Variants in RASA3 observed in about 807,000 individuals in gnomAD.
The protein encoded by RASA3 is ras GTPase-activating protein 3.
RASA3 carries 73 observed loss-of-function variants against 110.0 expected under a neutral mutation model. The ratio of observed to expected loss-of-function variants is 0.66; its 90% confidence interval spans 0.55 to 0.81. The LOEUF (loss-of-function observed/expected upper bound fraction) is 0.81, where lower values mean the gene tolerates loss of function less well. RASA3 is among the 30% of genes least tolerant of loss of function. The probability of loss-of-function intolerance (pLI) is 0.00; values close to 1 mark genes in which losing one functional copy is unlikely to be tolerated. For synonymous variants in RASA3, 500 were observed against 451.4 expected (o/e 1.11, Z -1.37); for missense variants, 976 against 1,113.2 (o/e 0.88, Z 1.75).
intron 18 of RASA3, among the ~76,000 whole-genome samples, chr13:114,004,711 A>C (rs1037841734): frequency 3.9e-5 from 6 of 152,146 alleles, no homozygotes; most frequent in Non-Finnish European, 7.4e-5. Flanking sequence ...GCGCTTAAGG[A>C]AACCCACGGA....
At chr13:114,038,422 C>A (rs2054322919) in intron 4 of RASA3, among the ~76,000 whole-genome samples, 1 of 152,246 alleles carries the variant, frequency 6.6e-6, no homozygotes, top group South Asian at 2.1e-4. Flanking sequence ...CTTCACTTTC[C>A]ACAGCACGTG....
At chr13:113,989,063 A>G (rs1418536711) in intron 22 of RASA3, among the ~76,000 whole-genome samples, 1 of 121,466 alleles carries the variant, frequency 8.2e-6, no homozygotes, top group African/African-American at 3.3e-5. Context: ...GTCCATCACC[A>G]TCACTCACCC....
intron 9 of RASA3, among the ~76,000 whole-genome samples, chr13:114,020,913 C>T (rs1363308030): frequency 2.6e-5 from 4 of 152,224 alleles, no homozygotes; most frequent in Non-Finnish European, 2.9e-5. Flanking sequence ...GCTCCTGCAC[C>T]GGCTGCTGAT....
intron 7 of RASA3, among the ~76,000 whole-genome samples, chr13:114,024,590 T>C (rs2053993112): frequency 6.6e-6 from 1 of 152,216 alleles, no homozygotes; most frequent in South Asian, 2.1e-4. Flanking sequence ...GCCCCAAGGC[T>C]GTTCACGGCC....
chr13:114,122,895 C>T (rs1036216889), intron 1 of RASA3, among the ~76,000 whole-genome samples: 3 of 152,348 alleles, frequency 2.0e-5, no homozygotes, highest in Admixed American at 6.5e-5. Flanking sequence ...GCCCAGCCAA[C>T]GCTGCATGAG....
At chr13:114,007,845 A>C (rs1048893169) in intron 17 of RASA3, among the ~76,000 whole-genome samples, 9 of 152,208 alleles carry the variant, frequency 5.9e-5, no homozygotes, top group Admixed American at 5.9e-4. Context: ...ACACCTGGGG[A>C]TCAACCTGCA....
intron 22 of RASA3, among the ~76,000 whole-genome samples, chr13:113,992,042 T>C (rs545308348): frequency 6.7e-6 from 1 of 150,148 alleles, no homozygotes; most frequent in East Asian, 2.0e-4. Context: ...CTCATACATG[T>C]CATGTCCACA....
chr13:114,131,722 G>GCACA (rs892028741), intron 1 of RASA3, among the ~76,000 whole-genome samples: 4 of 152,108 alleles, frequency 2.6e-5, no homozygotes, highest in African/African-American at 9.7e-5. Context: ...ACGCACACAT[G>GCACA]CACACACACA....
In RASA3 at chr13:114,039,398, G is replaced by A. The variant is rs550569251; in HGVS notation, c.372+1602C>T. On this transcript the variant is annotated intron_variant, in intron 4 of 23. Transcript: ENST00000334062. ...AACTGAGGACCCAGGAAGCCCTCCC[G>A]CGTCCCAAGGGCGCTGTGCCACAAC... is the stretch of plus-strand genomic sequence containing the variant. Among the ~76,000 whole-genome samples, 4 of 150,788 alleles carry A rather than the reference G, an allele frequency of 2.7e-5. No homozygotes were observed. The South Asian group carries it at 6.4e-4, about 24-fold the overall frequency.
In RASA3 at chr13:114,054,465, G is replaced by A. The variant is rs188940338; in HGVS notation, c.174-2310C>T. 6.0e-3 allele frequency among the ~76,000 whole-genome samples: 911 copies of A among 152,312 alleles called. 2 individuals are homozygous for A. The highest frequency in any genetic ancestry group is 0.018 in the African/African-American group (731 of 41,552). ...CAGGTGGGAGGGGCCCAGAGTCCAG[G>A]TGGGAGGGGCCCAGAGTCCAGGTGG... On this transcript the variant is annotated intron_variant, in intron 2 of 23. Coordinates refer to ENST00000334062, the MANE Select transcript of RASA3 (RefSeq NM_007368.4).
chr13:113,979,528 G>A, intron 23 of RASA3, 106 bp from the exon 24 acceptor site: 1 of 890,404 alleles, frequency 1.1e-6, no homozygotes, highest in South Asian at 1.4e-5. Context: ...CACTCACACT[G>A]CAATCCACAC....
At chr13:114,046,272 G>C (rs2079051623) in intron 3 of RASA3, among the ~76,000 whole-genome samples, 1 of 152,216 alleles carries the variant, frequency 6.6e-6, no homozygotes, top group Non-Finnish European at 1.5e-5. Context: ...GCCTCAGAGG[G>C]TCTGTAGCTT....
At chr13:114,059,868 G>A (rs2079307445) in intron 2 of RASA3, among the ~76,000 whole-genome samples, 1 of 152,264 alleles carries the variant, frequency 6.6e-6, no homozygotes, top group Admixed American at 6.5e-5. Context: ...TGTGGGAATA[G>A]CAGCCAATGA....
At chr13:114,110,865 C>T (rs2139762410) in intron 1 of RASA3, among the ~76,000 whole-genome samples, 1 of 152,332 alleles carries the variant, frequency 6.6e-6, no homozygotes, top group South Asian at 2.1e-4. Context: ...CTGAGAGAGC[C>T]ACGGTGTCCC....
chr13:114,031,625 G>A (rs376799105), intron 4 of RASA3, among the ~76,000 whole-genome samples: 2 of 152,110 alleles, frequency 1.3e-5, no homozygotes, highest in Admixed American at 1.3e-4. Flanking sequence ...ATGTGTGACT[G>A]TGTCCACCTG....
At chr13:114,100,505 G>A (rs9562114) in intron 1 of RASA3, among the ~76,000 whole-genome samples, 6,717 of 152,316 alleles carry the variant, frequency 0.044, 272 homozygotes, top group East Asian at 0.16. Context: ...AGGGACCCCC[G>A]TCTGGGCCCA....
intron 1 of RASA3, chr13:114,077,928 C>T: frequency 1.0e-6 from 1 of 984,884 alleles, no homozygotes; most frequent in South Asian, 4.7e-5. Context: ...CTGCCTCAGG[C>T]TTCTGATGCC....
At position 114,091,041 on chromosome 13, in the gene RASA3, A is replaced by G. The variant is rs552621684; in HGVS notation, c.56-17204T>C. ...AAGATTAAAAATTAAGAGTAGCCCT[A>G]AAGCCCCATGCCCATCTGTAGACGC... On this transcript the variant is annotated intron_variant, in intron 1 of 23. Transcript: ENST00000334062. Among the ~76,000 whole-genome samples, 20 of 152,350 alleles carry G rather than the reference A, an allele frequency of 1.3e-4. No individual in the cohort carries two copies. The East Asian group carries it at 3.3e-3, about 25-fold the overall frequency.
At chr13:114,038,213 G>A (rs1234858797) in intron 4 of RASA3, among the ~76,000 whole-genome samples, 2 of 152,236 alleles carry the variant, frequency 1.3e-5, no homozygotes, top group African/African-American at 4.8e-5. Context: ...GCGACGGCGG[G>A]TATCCCAGAA....
Sources: allele counts gnomAD v4.1 joint callset (sites outside exome capture counted in the v4.1 genomes callset), GRCh38; gene constraint gnomAD v4.1.1; transcripts MANE v1.5; gene names NCBI Gene and HGNC (gene_info 2026-07-23, HGNC 2026-07-21).